The following FLNC variants were observed in gnomAD, a reference collection of about 807,000 sequenced individuals.
The protein encoded by FLNC is filamin-C.
A neutral mutation model predicts 254.3 loss-of-function variants in FLNC; 91 were observed. The observed-to-expected ratio is 0.36, with a 90% CI of 0.30 to 0.43. The LOEUF is 0.43. Ranked by LOEUF, FLNC falls within the 20% of genes least tolerant of loss-of-function variation. The probability of loss-of-function intolerance (pLI) is 1.00; values close to 1 mark genes in which losing one functional copy is unlikely to be tolerated. For missense variants in FLNC, 2,853 were observed against 3,802.6 expected (o/e 0.75, Z 6.57); for synonymous variants, 1,430 against 1,577.2 (o/e 0.91, Z 2.21).
At chr7:128,855,158 C>A in intron 42 of FLNC, 41 bp from the exon 43 acceptor site, 3 of 1,441,256 alleles carry the variant, frequency 2.1e-6, no homozygotes, top group Non-Finnish European at 2.0e-6. Flanking sequence ...GCCCTGCCAA[C>A]CTCCATCCCG....
chr7:128,856,956 T>G lies in FLNC; in HGVS notation c.7561+35T>G. 6.2e-7 allele frequency: 1 copy of G among 1,609,036 alleles called. No individual in the cohort carries two copies. ...TGGAGCTGGGGAACAGGGTGACTTC[T>G]GGGGGTGCTTGGCCACTAGTCTGGT... On this transcript the variant is annotated intron_variant, in intron 45 of 47. Transcript: ENST00000325888. The surrounding 1 kb of genome is among the most constrained non-coding windows in gnomAD (Gnocchi z 5.9).
Position 128,856,906 on chromosome 7 carries a change from G to C in FLNC, c.7546G>C (p.Glu2516Gln). The change falls in exon 45 of 48, where the codon GAG becomes CAG. Residue 2516 changes from glutamate to glutamine, a missense_variant. By Grantham distance (29) the Glu-to-Gln change is conservative. Coordinates refer to ENST00000325888, the MANE Select transcript of FLNC (RefSeq NM_001458.5). This position sits in a 1 kb window ranked among gnomAD's most constrained non-coding sequence, Gnocchi z 5.9. ...GLVSAYGPGL[E>Q]GGTTGVSSEF... Reference sequence around the variant, plus strand: ...GGTGTCAGCCTACGGTCCTGGGCTCGAGGGAGGCACTACCGGTGAGTGCCT... The same window carrying C: ...GGTGTCAGCCTACGGTCCTGGGCTCCAGGGAGGCACTACCGGTGAGTGCCT... 1 of 1,614,040 alleles carries C rather than the reference G, an allele frequency of 6.2e-7. No homozygotes were observed.
intron 24 of FLNC, 59 bp from the exon 25 acceptor site, chr7:128,847,638 C>T: frequency 1.2e-6 from 2 of 1,605,544 alleles, no homozygotes; most frequent in Admixed American, 3.3e-5. Flanking sequence ...CGAGGCTCCT[C>T]AGCATCAGGG....
At chr7:128,850,639 C>T (rs1159796819) in intron 32 of FLNC, among the ~76,000 whole-genome samples, 156 bp downstream of exon 32, 2 of 152,342 alleles carry the variant, frequency 1.3e-5, no homozygotes, top group South Asian at 2.1e-4. Flanking sequence ...AACTCAGGTG[C>T]AAGCCATCTG....
In FLNC at chr7:128,842,728, G is replaced by A; in HGVS notation, c.2389+30G>A. Reference sequence around the variant, plus strand: ...GCCCAGCCGGAAGGGGTGGGTCTGGGAGGGGGCGGGGGTGAGTCGAGTCGG... The same window carrying A: ...GCCCAGCCGGAAGGGGTGGGTCTGGAAGGGGGCGGGGGTGAGTCGAGTCGG... On this transcript the variant is annotated intron_variant, in intron 15 of 47. Coordinates refer to ENST00000325888, the MANE Select transcript of FLNC (RefSeq NM_001458.5). This position sits in a 1 kb window ranked among gnomAD's most constrained non-coding sequence, Gnocchi z 5.4. 6.3e-7 allele frequency: 1 copy of A among 1,576,450 alleles called. No homozygotes were observed. Among genetic ancestry groups the A allele is most frequent in the Non-Finnish European group, 8.6e-7 (1 of 1,160,614 alleles).
rs773421726 is a variant in FLNC at position 128,854,259 on chromosome 7, TGGGAGGGTGCTGC to T, written c.6727+46_6727+58del. ...GGCCGGCCGGGTCCTCACGGCGGGA[TGGGAGGGTGCTGC>T]GGACCAGGCTTGATGCTGGCAGACT... On this transcript the variant is annotated intron_variant, in intron 40 of 47. Transcript: ENST00000325888. 2.0e-4 allele frequency: 327 copies of T among 1,603,746 alleles called. No homozygotes were observed. The Middle Eastern group carries it at 2.6e-3, about 13-fold the overall frequency.
chr7:128,832,698 G>T (rs1041467598), intron 1 of FLNC, among the ~76,000 whole-genome samples: 2 of 152,238 alleles, frequency 1.3e-5, no homozygotes, highest in Admixed American at 6.5e-5. Context: ...AAGCTCCCTG[G>T]TTCCCGCTGG....
rs1192892491 is a variant in FLNC at position 128,846,075 on chromosome 7, G to A, written c.3876G>A (p.Val1292=). The A allele has an allele frequency of 1.9e-6, 3 of 1,613,834 alleles. No individual in the cohort carries two copies. Among genetic ancestry groups the A allele is most frequent in the African/African-American group, 1.3e-5 (1 of 74,896 alleles). ...ATGGNHVTAR[V]LNPSGAKTDT... ...GCGGCAACCACGTGACGGCTCGTGTGCTCAACCCCTCGGGGGCCAAGACAG... is the reference window on the plus strand; with the variant it reads ...GCGGCAACCACGTGACGGCTCGTGTACTCAACCCCTCGGGGGCCAAGACAG... The change falls in exon 22 of 48, where the codon GTG becomes GTA. Residue 1292 remains valine (V), a synonymous_variant. Transcript: ENST00000325888.
rs1807837204 is a variant in FLNC at position 128,830,442 on chromosome 7, G to C, written c.-196G>C. On this transcript the variant is annotated 5_prime_UTR_variant, in exon 1 of 48. Coordinates refer to ENST00000325888, the MANE Select transcript of FLNC (RefSeq NM_001458.5). The stretch of plus-strand genomic sequence containing the variant: ...GCACCGCTCCGGCCCTGGAGGGAGA[G>C]AGAGCCAGAGAGCGGCCGAGCGCCT... 1.7e-5 allele frequency: 10 copies of C among 600,366 alleles called. No homozygotes were observed. The highest frequency in any genetic ancestry group is 2.3e-5 in the Non-Finnish European group (8 of 340,494). The allele number at this position is 600,366 out of a possible 1,614,324, so 37.2% of individuals were successfully genotyped here.
Position 128,830,544 on chromosome 7 carries a change from G to T in FLNC, c.-94G>T. ...TTGGAGAGGAGAGCAGCGCAGCGCA[G>T]CGAGTCCCGTGGTCGCGCCCCAACA... On this transcript the variant is annotated 5_prime_UTR_variant, in exon 1 of 48. Coordinates refer to ENST00000325888, the MANE Select transcript of FLNC (RefSeq NM_001458.5). 9.7e-7 allele frequency: 1 copy of T among 1,030,902 alleles called. No homozygotes were observed. The highest frequency in any genetic ancestry group is 1.4e-5 in the South Asian group (1 of 72,706). The allele number at this position is 1,030,902 out of a possible 1,614,324, so 63.9% of individuals were successfully genotyped here.
chr7:128,835,654 G>C lies in FLNC; in HGVS notation c.601+80G>C, dbSNP rs1585151441. 2.0e-6 allele frequency: 3 copies of C among 1,521,674 alleles called. No homozygotes were observed. The highest frequency in any genetic ancestry group is 2.7e-6 in the Non-Finnish European group (3 of 1,109,722). The allele number at this position is 1,521,674 out of a possible 1,614,324, so 94.3% of individuals were successfully genotyped here. A position where few individuals can be genotyped will look rare whatever the true frequency, so the allele number is the denominator to read the frequency against. ...ACAAGCTGGGGCTGCCAAGGCGTGT[G>C]GTTGTCAGAATGCACACCCTGGGGC... On this transcript the variant is annotated intron_variant, in intron 2 of 47. Coordinates refer to ENST00000325888, the MANE Select transcript of FLNC (RefSeq NM_001458.5). This position sits in a 1 kb window ranked among gnomAD's most constrained non-coding sequence, Gnocchi z 5.3.
Position 128,842,887 on chromosome 7 carries a change from C to T in FLNC, c.2483C>T (p.Thr828Ile). 1.9e-6 allele frequency: 3 copies of T among 1,614,084 alleles called. No individual in the cohort carries two copies. Among genetic ancestry groups the T allele is most frequent in the South Asian group, 1.1e-5 (1 of 91,082 alleles). The change falls in exon 16 of 48, where the codon ACC becomes ATC. Residue 828 changes from threonine (T) to isoleucine (I), a missense_variant. By Grantham distance (89) the Thr-to-Ile change is moderately conservative. Transcript: ENST00000325888. The surrounding 1 kb of genome is among the most constrained non-coding windows in gnomAD (Gnocchi z 5.4). ...GACATCATCAAGAATGACAACGACA[C>T]CTTCACCGTCAAGTACACGCCACCA... Reference protein sequence around the residue: ...DFDIIKNDNDTFTVKYTPPGA... With the variant: ...DFDIIKNDNDIFTVKYTPPGA...
chr7:128,837,491 G>T lies in FLNC; in HGVS notation c.793G>T (p.Gly265Cys). The T allele has an allele frequency of 6.2e-7, 1 of 1,614,196 alleles. No individual in the cohort carries two copies. The highest frequency in any genetic ancestry group is 1.1e-5 in the South Asian group (1 of 91,092). ...SQFPKAKLKP[G>C]APVRSKQLNP... ...GTTCCCCAAGGCCAAGCTCAAACCT[G>T]GTGCCCCTGTTCGATCCAAGCAGCT... The change falls in exon 4 of 48, where the codon GGT becomes TGT. Residue 265 changes from glycine (G) to cysteine (C), a missense_variant. Gly to Cys is a radical substitution (Grantham distance 159). This residue lies in a region of FLNC where 1,573 missense variants were observed against 1,883.5 expected (regional missense o/e 0.84). Transcript: ENST00000325888.
At position 128,842,590 on chromosome 7, in the gene FLNC, G is replaced by A. The variant is rs374691339; in HGVS notation, c.2281G>A (p.Gly761Ser). ...CCTCCCGCAGGTGAACGTGGGCGAG[G>A]GCAGCCACCCCGAGCGGGTAAAGGT... ...KSPFRVNVGE[G>S]SHPERVKVYG... Residue 761 changes from glycine to serine, a missense_variant, in exon 15 of 48, where the codon GGC (glycine) becomes AGC (serine). Around this residue, in one of 10 missense-constraint regions of FLNC, gnomAD observed 1,573 missense variants for 1,883.5 expected, o/e 0.84. Transcript: ENST00000325888. The surrounding 1 kb of genome is among the most constrained non-coding windows in gnomAD (Gnocchi z 5.4). The A allele has an allele frequency of 1.1e-5, 17 of 1,549,424 alleles. No individual in the cohort carries two copies. Among genetic ancestry groups the A allele is most frequent in the South Asian group, 1.1e-4 (9 of 84,116 alleles).
Position 128,838,439 on chromosome 7 carries a change from G to T in FLNC, c.1210+10G>T, listed in dbSNP as rs562941732. On this transcript the variant is annotated intron_variant, in intron 7 of 47. Transcript: ENST00000325888. ...GACATCTACACTGCGGGTAGGACGG[G>T]CCCCAGGGGGTGCAGGTGGAAAGCC... 18 of 1,588,574 alleles carry T rather than the reference G, an allele frequency of 1.1e-5. No homozygotes were observed. The East Asian group carries it at 3.9e-4, about 35-fold the overall frequency.
Position 128,841,646 on chromosome 7 carries a change from G to T in FLNC, c.2121+79G>T. ...AAGGCAGGGCCAGGCCAGAGGCAGA[G>T]GCCTCCCAGCAGGAAATGACAGCAT... On this transcript the variant is annotated intron_variant, in intron 13 of 47. Coordinates refer to ENST00000325888, the MANE Select transcript of FLNC (RefSeq NM_001458.5). The surrounding 1 kb of genome is among the most constrained non-coding windows in gnomAD (Gnocchi z 4.3). 9.6e-7 allele frequency: 1 copy of T among 1,040,890 alleles called. No homozygotes were observed. The allele number at this position is 1,040,890 out of a possible 1,614,324, so 64.5% of individuals were successfully genotyped here.
In FLNC at chr7:128,847,723, G is replaced by A. The variant is rs1562998835; in HGVS notation, c.4315G>A (p.Asp1439Asn). 7 of 1,614,154 alleles carry A rather than the reference G, an allele frequency of 4.3e-6. No homozygotes were observed. The highest frequency in any genetic ancestry group is 5.9e-6 in the Non-Finnish European group (7 of 1,179,992). Residue 1439 changes from aspartate to asparagine, a missense_variant, in exon 25 of 48, where the codon GAT becomes AAT. This residue lies in a region of FLNC where 1,573 missense variants were observed against 1,883.5 expected (regional missense o/e 0.84). Transcript: ENST00000325888. Reference sequence around the variant, plus strand: ...GAGCCCGTTCCGCGTGCCAGTGAAGGATGTGGTGGACCCTGGGAAGGTGAA... The same window carrying A: ...GAGCCCGTTCCGCGTGCCAGTGAAGAATGTGGTGGACCCTGGGAAGGTGAA... ...PGSPFRVPVKDVVDPGKVKCS... is the reference protein window; with the variant it reads ...PGSPFRVPVKNVVDPGKVKCS...
At chr7:128,831,664 C>T (rs1807897246) in intron 1 of FLNC, among the ~76,000 whole-genome samples, 1 of 152,182 alleles carries the variant, frequency 6.6e-6, no homozygotes, top group African/African-American at 2.4e-5. Flanking sequence ...AGGGGGCTTC[C>T]GCAAGTCCAG....
intron 30 of FLNC, 144 bp downstream of exon 30, chr7:128,849,722 C>T: frequency 8.7e-7 from 1 of 1,143,042 alleles, no homozygotes; most frequent in Non-Finnish European, 1.3e-6. Context: ...AGGATGGAGC[C>T]TTAACTTTCC....
Sources: allele counts gnomAD v4.1 joint callset (sites outside exome capture counted in the v4.1 genomes callset), GRCh38; gene constraint gnomAD v4.1.1; regional missense constraint gnomAD v4.1.1; non-coding constraint Gnocchi (gnomAD v3.1); transcripts MANE v1.5; gene names NCBI Gene and HGNC (gene_info 2026-07-23, HGNC 2026-07-21).